Variants in NRXN1 observed in about 807,000 individuals in gnomAD.
NRXN1 encodes the protein neurexin 1, also known as neurexin-1.
A neutral mutation model predicts 150.9 loss-of-function variants in NRXN1; 39 were observed. The ratio of observed to expected loss-of-function variants is 0.26; its 90% CI spans 0.20 to 0.34. The LOEUF is 0.34. Among genes scored for constraint, NRXN1 ranks in the 10% least tolerant of loss-of-function variants. NRXN1 has a pLI of 1.00. For missense variants in NRXN1, 1,815 were observed against 1,949.9 expected (o/e 0.93, Z 1.30); for synonymous variants, 924 against 757.0 (o/e 1.22, Z -3.62).
chr2:50,431,398 A>C (rs1368421849), intron 17 of NRXN1, among the ~76,000 whole-genome samples: 1 of 152,162 alleles, frequency 6.6e-6, no homozygotes, highest in East Asian at 1.9e-4. Context: ...TTAATTGCTC[A>C]TTCTTATTTG....
At chr2:50,846,551 G>A (rs1471702848) in intron 5 of NRXN1, among the ~76,000 whole-genome samples, 2 of 151,980 alleles carry the variant, frequency 1.3e-5, no homozygotes, top group Non-Finnish European at 2.9e-5. Flanking sequence ...TCAGAAATAT[G>A]GTGGCAATAA....
intron 1 of NRXN1, among the ~76,000 whole-genome samples, 198 bp downstream of exon 1, chr2:51,031,783 G>C (rs1289959883): frequency 6.6e-6 from 1 of 151,954 alleles, no homozygotes. Context: ...TACTACCCCA[G>C]TTCCACCATC....
At chr2:49,944,893 A>G (rs1032729882) in intron 21 of NRXN1, among the ~76,000 whole-genome samples, 51 of 152,224 alleles carry the variant, frequency 3.4e-4, no homozygotes, top group African/African-American at 1.1e-3. Flanking sequence ...CAAAAATACG[A>G]TATGAGCACC....
chr2:50,926,991 T>C (rs1400919784), intron 2 of NRXN1, among the ~76,000 whole-genome samples: 1 of 151,962 alleles, frequency 6.6e-6, no homozygotes, highest in Admixed American at 6.6e-5. Context: ...AAGGGAAAGC[T>C]GTCTTAGGGG....
intron 2 of NRXN1, among the ~76,000 whole-genome samples, chr2:50,975,905 T>C (rs1314672454): frequency 2.0e-5 from 3 of 152,098 alleles, no homozygotes; most frequent in African/African-American, 7.2e-5. Flanking sequence ...TTTTGTTCTC[T>C]AAGATTGCTC....
intron 18 of NRXN1, among the ~76,000 whole-genome samples, chr2:50,171,087 G>A (rs1051286806): frequency 6.6e-6 from 1 of 152,084 alleles, no homozygotes; most frequent in Non-Finnish European, 1.5e-5. Flanking sequence ...CATCATAACA[G>A]TTTCATCCTT....
chr2:50,187,211 A>G (rs2061135360), intron 18 of NRXN1, among the ~76,000 whole-genome samples: 1 of 152,104 alleles, frequency 6.6e-6, no homozygotes, highest in Non-Finnish European at 1.5e-5. Flanking sequence ...CATGAATATT[A>G]CACATCCTGA....
intron 15 of NRXN1, among the ~76,000 whole-genome samples, chr2:50,494,960 G>A (rs372120545): frequency 6.6e-6 from 1 of 151,596 alleles, no homozygotes; most frequent in South Asian, 2.1e-4. Context: ...GAACCTAAGA[G>A]GCAGAGACTG....
At chr2:49,969,541 C>T (rs1447982282) in intron 21 of NRXN1, 2 of 148,278 alleles carry the variant, frequency 1.3e-5, no homozygotes, top group East Asian at 4.0e-4. Flanking sequence ...GTAATTACAC[C>T]TTATTATAAA....
At chr2:50,909,755 T>C (rs1159451305) in intron 5 of NRXN1, among the ~76,000 whole-genome samples, 1 of 151,974 alleles carries the variant, frequency 6.6e-6, no homozygotes, top group Non-Finnish European at 1.5e-5. Flanking sequence ...ATTTTTTCCA[T>C]GGTATATTCT....
chr2:50,865,568 C>T (rs1676762196), intron 5 of NRXN1, among the ~76,000 whole-genome samples: 1 of 124,106 alleles, frequency 8.1e-6, no homozygotes, highest in Admixed American at 8.5e-5. Context: ...CTAAGTGGCT[C>T]CAAATATATA....
intron 9 of NRXN1, among the ~76,000 whole-genome samples, chr2:50,546,338 G>A (rs1200026809): frequency 6.6e-6 from 1 of 152,072 alleles, no homozygotes; most frequent in Non-Finnish European, 1.5e-5. Context: ...GCTAATATTT[G>A]CCCCTGTGAG....
intron 17 of NRXN1, among the ~76,000 whole-genome samples, chr2:50,415,873 T>A (rs917336756): frequency 6.6e-6 from 1 of 151,576 alleles, no homozygotes; most frequent in Non-Finnish European, 1.5e-5. Flanking sequence ...TGTAGAGGCT[T>A]GTAGTTTCAT....
intron 17 of NRXN1, among the ~76,000 whole-genome samples, chr2:50,289,995 A>T (rs1019381123): frequency 6.6e-6 from 1 of 152,158 alleles, no homozygotes; most frequent in Non-Finnish European, 1.5e-5. Flanking sequence ...TTAGAAATTA[A>T]TTTTTTAGTG....
chr2:50,611,954 CT>C (rs1274079193), intron 8 of NRXN1, among the ~76,000 whole-genome samples: 5 of 152,162 alleles, frequency 3.3e-5, no homozygotes, highest in Non-Finnish European at 5.9e-5. Flanking sequence ...GCAATCTAGG[CT>C]GCATTTTTCT....
chr2:50,591,389 T>TAGATAGATAGAC (rs1558984944), intron 8 of NRXN1, among the ~76,000 whole-genome samples: 3 of 108,844 alleles, frequency 2.8e-5, no homozygotes, highest in African/African-American at 1.1e-4. Flanking sequence ...ATCAGATAGA[T>TAGATAGATAGAC]AGATAGATAG....
chr2:50,102,305 C>T (rs1198111336), intron 18 of NRXN1, among the ~76,000 whole-genome samples: 2 of 151,902 alleles, frequency 1.3e-5, no homozygotes, highest in African/African-American at 2.4e-5. Context: ...TGTAAAACAC[C>T]ATACCACTCA....
At chr2:50,454,924 T>C (rs1239632002) in intron 17 of NRXN1, among the ~76,000 whole-genome samples, 1 of 152,156 alleles carries the variant, frequency 6.6e-6, no homozygotes, top group Non-Finnish European at 1.5e-5. Context: ...CTGGATGAAC[T>C]TGATGTGAGC....
At chr2:50,077,198 A>T (rs774899435) in intron 19 of NRXN1, among the ~76,000 whole-genome samples, 2 of 152,180 alleles carry the variant, frequency 1.3e-5, no homozygotes, top group Admixed American at 1.3e-4. Flanking sequence ...TACAGACTGC[A>T]TGTCTAACTT....
Sources: gnomAD v4.1 joint callset for allele counts (sites outside exome capture counted in the v4.1 genomes callset) on GRCh38, gnomAD v4.1.1 for gene constraint, MANE v1.5 for transcripts, NCBI Gene and HGNC (gene_info 2026-07-23, HGNC 2026-07-21) for gene names.